PROM1: variants seen among roughly 807,000 people sequenced by gnomAD.
PROM1 encodes prominin 1, also known as prominin-1.
Under a neutral mutation model 116.9 loss-of-function variants are expected in PROM1, and 105 were observed. The ratio of observed to expected loss-of-function variants is 0.90; its 90% CI spans 0.77 to 1.06. PROM1 has a LOEUF of 1.06. Among genes scored for constraint, PROM1 ranks in the 50% least tolerant of loss-of-function variants. The pLI is 0.00. For synonymous variants in PROM1, 393 were observed against 387.0 expected (o/e 1.02, Z -0.18); for missense variants, 1,122 against 1,045.2 (o/e 1.07, Z -1.01).
intron 27 of PROM1, among the ~76,000 whole-genome samples, chr4:15,970,732 T>G (rs1003217117): frequency 2.0e-5 from 3 of 152,138 alleles, no homozygotes; most frequent in African/African-American, 7.2e-5. Context: ...TCACTCAAAA[T>G]ACCTAATACA....
chr4:15,975,083 T>C (rs1159716933), intron 26 of PROM1, among the ~76,000 whole-genome samples: 1 of 152,184 alleles, frequency 6.6e-6, no homozygotes, highest in East Asian at 1.9e-4. Context: ...CCATTGGAAA[T>C]GTTAAGGTAA....
At position 15,988,031 on chromosome 4, in the gene PROM1, C is replaced by A. The variant is rs567178931; in HGVS notation, c.2077-315G>T. Among the ~76,000 whole-genome samples, 374 of 152,246 alleles carry A rather than the reference C, an allele frequency of 2.5e-3. 1 individual carries two copies. The highest frequency in any genetic ancestry group is 8.8e-3 in the African/African-American group (364 of 41,534). On this transcript the variant is annotated intron_variant, in intron 19 of 27. Transcript: ENST00000447510. Reference sequence around the variant, plus strand: ...AGCTGGGACTACAGGCGTCCTCCACCACGCCCGGCTAATTTTTTGTATTTT... The same window carrying A: ...AGCTGGGACTACAGGCGTCCTCCACAACGCCCGGCTAATTTTTTGTATTTT...
intron 13 of PROM1, among the ~76,000 whole-genome samples, chr4:16,005,180 C>A (rs1196561459): frequency 1.3e-5 from 2 of 152,044 alleles, no homozygotes; most frequent in Non-Finnish European, 2.9e-5. Flanking sequence ...TCAGGCTGGT[C>A]TCGAACTCCT....
At chr4:16,041,891 A>G (rs554009841) in intron 2 of PROM1, among the ~76,000 whole-genome samples, 1 of 151,828 alleles carries the variant, frequency 6.6e-6, no homozygotes, top group African/African-American at 2.4e-5. Flanking sequence ...GAAGGCTCAA[A>G]TTCCTGGACT....
chr4:16,023,438 A>G (rs755127608), intron 7 of PROM1, 23 bp from the exon 8 acceptor site: 4 of 1,547,102 alleles, frequency 2.6e-6, no homozygotes, highest in African/African-American at 1.4e-5. Context: ...AAGCACAAAG[A>G]TGGTGAGGGT....
At chr4:16,054,323 A>G (rs1738508198) in intron 2 of PROM1, among the ~76,000 whole-genome samples, 1 of 152,114 alleles carries the variant, frequency 6.6e-6, no homozygotes, top group Non-Finnish European at 1.5e-5. Context: ...AAAGCTACCC[A>G]CAATGTAACC....
In PROM1 at chr4:16,038,929, C is replaced by T. The variant is rs1400400428; in HGVS notation, c.276+17G>A. ...TACTTCGTATTTTTAATAATAAATA[C>T]ACCAATGAAAAATTACCTTGTCATA... On this transcript the variant is annotated intron_variant, in intron 3 of 27. Transcript: ENST00000447510. 3 of 1,462,628 alleles carry T rather than the reference C, an allele frequency of 2.1e-6. No homozygotes were observed. Among genetic ancestry groups the T allele is most frequent in the African/African-American group, 2.9e-5 (2 of 68,440 alleles). 90.6% of individuals were successfully genotyped at this position (1,462,628 alleles called of 1,614,324 possible). A position where few individuals can be genotyped will look rare whatever the true frequency, so the allele number is the denominator to read the frequency against.
Position 16,001,060 on chromosome 4 carries a change from A to G in PROM1, c.1455-441T>C, listed in dbSNP as rs149203523. Among the ~76,000 whole-genome samples, 819 of 152,356 alleles carry G rather than the reference A, an allele frequency of 5.4e-3. 8 individuals are homozygous for G. Among genetic ancestry groups the G allele is most frequent in the African/African-American group, 0.019 (782 of 41,580 alleles). ...TAAAGGATAGACTGGACAGGTGCCA[A>G]CGTGGATGGGACATCATTGCAGAGG... On this transcript the variant is annotated intron_variant, in intron 13 of 27. Coordinates refer to ENST00000447510, the MANE Select transcript of PROM1 (RefSeq NM_006017.3).
intron 2 of PROM1, among the ~76,000 whole-genome samples, chr4:16,046,348 T>C (rs372090634): frequency 1.3e-5 from 2 of 152,264 alleles, no homozygotes; most frequent in East Asian, 3.8e-4. Flanking sequence ...TCTTCCCTCA[T>C]TGGGCTAGGC....
chr4:15,970,621 C>G (rs1039647247), intron 27 of PROM1, among the ~76,000 whole-genome samples: 2 of 151,938 alleles, frequency 1.3e-5, no homozygotes, highest in Non-Finnish European at 2.9e-5. Flanking sequence ...GAGAGGGTCA[C>G]TGTATCGTAT....
chr4:16,038,823 G>A (rs1734525698), intron 3 of PROM1, 123 bp downstream of exon 3: 3 of 1,002,146 alleles, frequency 3.0e-6, no homozygotes, highest in Non-Finnish European at 4.1e-6. Context: ...AAAGTTCTTA[G>A]TCAAAAAAGA....
chr4:15,973,546 C>T lies in PROM1; in HGVS notation c.2583-2464G>A, dbSNP rs528711879. Among the ~76,000 whole-genome samples the T allele has an allele frequency of 4.7e-4, 72 of 152,240 alleles. No homozygotes were observed. The South Asian group carries it at 0.014, about 30-fold the overall frequency. ...TGGTTCACAGACATATTTTGTTGGGCCCCCATGGTGTTTTTTTCTCCACAT... is the reference window on the plus strand; with the variant it reads ...TGGTTCACAGACATATTTTGTTGGGTCCCCATGGTGTTTTTTTCTCCACAT... On this transcript the variant is annotated intron_variant, in intron 26 of 27. Coordinates refer to ENST00000447510, the MANE Select transcript of PROM1 (RefSeq NM_006017.3).
intron 11 of PROM1, among the ~76,000 whole-genome samples, chr4:16,011,540 C>T (rs1026375149): frequency 1.3e-5 from 2 of 152,188 alleles, no homozygotes; most frequent in East Asian, 1.9e-4. Context: ...CACCATGGGC[C>T]GCACTCAATG....
rs1577999752 is a variant in PROM1, at chr4:16,009,122, T to C, written c.1142-14A>G. The C allele has an allele frequency of 4.4e-6, 7 of 1,608,034 alleles. No homozygotes were observed. The highest frequency in any genetic ancestry group is 5.9e-6 in the Non-Finnish European group (7 of 1,176,818). ...CCCTTTTGATACCTGAAAACAAAGA[T>C]ACCTTTGTTATGCATTTGCAAACAT... On this transcript the variant is annotated splice_polypyrimidine_tract_variant and intron_variant, in intron 11 of 27. Transcript: ENST00000447510.
intron 2 of PROM1, among the ~76,000 whole-genome samples, chr4:16,049,880 A>G (rs34844785): frequency 0.34 from 52,160 of 151,996 alleles, 10,979 homozygotes; most frequent in Non-Finnish European, 0.48. Context: ...ACCCATTTGC[A>G]AACTGTGATT....
intron 2 of PROM1, among the ~76,000 whole-genome samples, chr4:16,070,247 T>G (rs1742508283): frequency 6.6e-6 from 1 of 152,176 alleles, no homozygotes; most frequent in South Asian, 2.1e-4. Flanking sequence ...GTCTCCATCG[T>G]TAACGGACTT....
intron 23 of PROM1, among the ~76,000 whole-genome samples, chr4:15,982,563 C>T (rs1348084578): frequency 6.6e-6 from 1 of 152,208 alleles, no homozygotes; most frequent in East Asian, 1.9e-4. Context: ...GATGTAAACC[C>T]TCTGCTACAC....
chr4:16,082,644 C>T (rs1044095762), intron 1 of PROM1: 8 of 152,270 alleles, frequency 5.3e-5, no homozygotes, highest in African/African-American at 1.9e-4. Context: ...CAAGAGACTC[C>T]AGGAATTCGC....
intron 2 of PROM1, among the ~76,000 whole-genome samples, chr4:16,069,125 C>A (rs1445061417): frequency 6.6e-6 from 1 of 152,118 alleles, no homozygotes; most frequent in Non-Finnish European, 1.5e-5. Flanking sequence ...ATCCCAGCTA[C>A]GCGGGAGGCT....
Sources: gnomAD v4.1 joint callset for allele counts (sites outside exome capture counted in the v4.1 genomes callset) on GRCh38, gnomAD v4.1.1 for gene constraint, MANE v1.5 for transcripts, NCBI Gene and HGNC (gene_info 2026-07-23, HGNC 2026-07-21) for gene names.